The following LDLRAD4 variants were observed in gnomAD, a reference collection of about 807,000 sequenced individuals.
LDLRAD4 encodes the protein low density lipoprotein receptor class A domain containing 4.
In LDLRAD4, 5 loss-of-function variants were observed where a neutral mutation model predicts 17.0. The observed-to-expected ratio is 0.29, with a 90% CI of 0.15 to 0.62. The LOEUF (loss-of-function observed/expected upper bound fraction) is 0.62, where lower values mean the gene tolerates loss of function less well. Among genes scored for constraint, LDLRAD4 ranks in the 20% least tolerant of loss-of-function variants. The probability of loss-of-function intolerance (pLI) is 0.84; values close to 1 mark genes in which losing one functional copy is unlikely to be tolerated. For synonymous variants in LDLRAD4, 168 were observed against 171.8 expected, an observed-to-expected ratio of 0.98 and a Z score of 0.17; for missense variants, 340 against 424.7, an observed-to-expected ratio of 0.80 and a Z score of 1.75.
At chr18:13,584,194 G>C (rs1245053930) in intron 3 of LDLRAD4, among the ~76,000 whole-genome samples, 2 of 152,190 alleles carry the variant, frequency 1.3e-5, no homozygotes, top group African/African-American at 4.8e-5. Flanking sequence ...ATTGCTTAGG[G>C]TTGTCCCAGA....
intron 3 of LDLRAD4, among the ~76,000 whole-genome samples, chr18:13,481,722 C>T (rs951078542): frequency 2.3e-5 from 3 of 131,996 alleles, no homozygotes; most frequent in Non-Finnish European, 3.4e-5. Flanking sequence ...TGAGCTGGGC[C>T]TGAGGCTCTG....
intron 2 of LDLRAD4, among the ~76,000 whole-genome samples, chr18:13,399,207 GAAAAAAAAGA>G (rs536125267): frequency 1.0e-4 from 15 of 150,676 alleles, no homozygotes; most frequent in Admixed American, 8.6e-4. Context: ...AAAAAAAAGA[GAAAAAAAAGA>G]AAAAAAAAGA....
intron 3 of LDLRAD4, chr18:13,516,108 C>T (rs568797004): frequency 6.6e-6 from 1 of 152,372 alleles, no homozygotes; most frequent in South Asian, 2.1e-4. Context: ...AGCCATTGCA[C>T]TCGGCCTAAG....
chr18:13,552,637 A>G (rs2094446181), intron 3 of LDLRAD4, among the ~76,000 whole-genome samples: 1 of 152,030 alleles, frequency 6.6e-6, no homozygotes, highest in South Asian at 2.1e-4. Flanking sequence ...GGAGAGGCTG[A>G]CGGCTGAGGT....
At chr18:13,591,965 A>C (rs2095035633) in intron 3 of LDLRAD4, among the ~76,000 whole-genome samples, 1 of 152,256 alleles carries the variant, frequency 6.6e-6, no homozygotes. Context: ...CGTAATTTAC[A>C]GACAGGGTGT....
intron 3 of LDLRAD4, among the ~76,000 whole-genome samples, chr18:13,510,114 G>A (rs934003979): frequency 1.3e-5 from 2 of 152,216 alleles, no homozygotes; most frequent in Non-Finnish European, 2.9e-5. Flanking sequence ...CAGCATCTCC[G>A]AGTATGTCTG....
chr18:13,362,407 C>T (rs2083738304), intron 1 of LDLRAD4: 1 of 152,148 alleles, frequency 6.6e-6, no homozygotes, highest in Non-Finnish European at 1.5e-5. Context: ...CTCTACACGC[C>T]ATAGATGGAG....
At chr18:13,542,094 ACT>A (rs1661008050) in intron 3 of LDLRAD4, among the ~76,000 whole-genome samples, 1 of 152,044 alleles carries the variant, frequency 6.6e-6, no homozygotes, top group Non-Finnish European at 1.5e-5. Flanking sequence ...GAAAAAGGTC[ACT>A]CTCTACTCAA....
At chr18:13,352,580 C>G (rs2144436936) in intron 1 of LDLRAD4, among the ~76,000 whole-genome samples, 1 of 152,136 alleles carries the variant, frequency 6.6e-6, no homozygotes, top group Non-Finnish European at 1.5e-5. Context: ...TAGTTTTATC[C>G]TACTTTGAGT....
At chr18:13,459,539 C>T (rs115968114) in intron 3 of LDLRAD4, among the ~76,000 whole-genome samples, 10,300 of 151,914 alleles carry the variant, frequency 0.068, 781 homozygotes, top group African/African-American at 0.19. Flanking sequence ...CCCGCAACCA[C>T]GCCCGGCTCA....
chr18:13,637,745 AG>A (rs1173655500), intron 4 of LDLRAD4, among the ~76,000 whole-genome samples: 1 of 152,012 alleles, frequency 6.6e-6, no homozygotes, highest in East Asian at 1.9e-4. Flanking sequence ...ACATGCCTGT[AG>A]TCCCAGCTAC....
At chr18:13,497,446 T>C (rs1483285031) in intron 3 of LDLRAD4, among the ~76,000 whole-genome samples, 2 of 151,904 alleles carry the variant, frequency 1.3e-5, no homozygotes, top group African/African-American at 2.4e-5. Context: ...CCCAAAGTGC[T>C]GGGATTATAG....
At chr18:13,451,767 G>C (rs999000423) in intron 3 of LDLRAD4, among the ~76,000 whole-genome samples, 5 of 152,188 alleles carry the variant, frequency 3.3e-5, no homozygotes, top group African/African-American at 9.6e-5. Flanking sequence ...GAAGGGGAAG[G>C]AAGCACTCTG....
At position 13,645,890 on chromosome 18, in the gene LDLRAD4, G is replaced by C. The variant is rs1393555060; in HGVS notation, c.*233G>C. 2.7e-6 allele frequency: 1 copy of C among 377,238 alleles called. No homozygotes were observed. The highest frequency in any genetic ancestry group is 2.1e-5 in the African/African-American group (1 of 48,354). 23.4% of individuals were successfully genotyped at this position (377,238 alleles called of 1,614,324 possible). On this transcript the variant is annotated 3_prime_UTR_variant, in exon 6 of 6. Transcript: ENST00000359446. This position sits in a 1 kb window ranked among gnomAD's most constrained non-coding sequence, Gnocchi z 5.7. ...AAACAGTGTTTATTTGGGGACAGGG[G>C]TTGGGATGGGGGTGTGGGCAGGGGA...
intron 1 of LDLRAD4, among the ~76,000 whole-genome samples, chr18:13,310,365 A>G (rs1192937809): frequency 2.0e-5 from 3 of 152,056 alleles, no homozygotes; most frequent in Non-Finnish European, 4.4e-5. Context: ...TTAAAAAAAA[A>G]AAAGGGAGAT....
chr18:13,634,773 C>CA (rs202132523), intron 4 of LDLRAD4, among the ~76,000 whole-genome samples: 10,410 of 121,894 alleles, frequency 0.085, 402 homozygotes, highest in Admixed American at 0.12. Flanking sequence ...ACAATAATCT[C>CA]AAAAAAAAAA....
intron 3 of LDLRAD4, among the ~76,000 whole-genome samples, chr18:13,493,804 G>A (rs369700685): frequency 4.6e-5 from 7 of 152,264 alleles, no homozygotes; most frequent in East Asian, 3.9e-4. Context: ...AGAGGGAGGC[G>A]GTCAAAGCCC....
chr18:13,647,105 T>C (rs942359191), exon 6 of LDLRAD4: 4 of 152,142 alleles, frequency 2.6e-5, no homozygotes, highest in Non-Finnish European at 5.9e-5. Context: ...GCTTTTGTAC[T>C]GAAGGCAAGA....
At chr18:13,445,527 T>C (rs908448851) in intron 3 of LDLRAD4, among the ~76,000 whole-genome samples, 1 of 150,602 alleles carries the variant, frequency 6.6e-6, no homozygotes. Flanking sequence ...CGTGTGTGTA[T>C]AAGAGTGCAT....
Sources: allele counts gnomAD v4.1 joint callset (sites outside exome capture counted in the v4.1 genomes callset), GRCh38; gene constraint gnomAD v4.1.1; non-coding constraint Gnocchi (gnomAD v3.1); transcripts MANE v1.5; gene names NCBI Gene and HGNC (gene_info 2026-07-23, HGNC 2026-07-21).